Variants in SWAP70 observed in about 807,000 individuals in gnomAD.
The protein encoded by SWAP70 is switching B cell complex subunit SWAP70, also known as switch-associated protein 70.
Under a neutral mutation model 80.2 loss-of-function variants are expected in SWAP70, and 34 were observed. That is an observed-to-expected ratio of 0.42 (90% CI 0.32 to 0.56). SWAP70 has a LOEUF of 0.56. Among genes scored for constraint, SWAP70 ranks in the 20% least tolerant of loss-of-function variants. The pLI, the probability that SWAP70 is intolerant of heterozygous loss-of-function variation, is 0.09. For synonymous variants in SWAP70, 239 were observed against 238.5 expected, an observed-to-expected ratio of 1.00 and a Z score of -0.02; for missense variants, 578 against 690.7, an observed-to-expected ratio of 0.84 and a Z score of 1.83.
chr11:9,749,892 C>G lies in SWAP70; in HGVS notation c.1680C>G (p.Asn560Lys). The G allele has an allele frequency of 6.2e-7, 1 of 1,613,886 alleles. No individual in the cohort carries two copies. The highest frequency in any genetic ancestry group is 8.5e-7 in the Non-Finnish European group (1 of 1,179,782). Residue 560 changes from asparagine to lysine, a missense_variant, in exon 12 of 12, where the codon AAC (asparagine) becomes AAG (lysine). Physicochemically the swap from Asn to Lys is moderately conservative, Grantham distance 94. Transcript: ENST00000318950. ...CAAAGAACCCTCACCTGATCACTAA[C>G]TGGGGACCTGCAGCTTTCACTGAGG... ...PGSKNPHLIT[N>K]WGPAAFTEAE... is the part of the protein sequence containing the mutation.
chr11:9,734,604 G>A (rs910759760), intron 7 of SWAP70, among the ~76,000 whole-genome samples: 4 of 151,926 alleles, frequency 2.6e-5, no homozygotes, highest in African/African-American at 9.7e-5. Context: ...TTTCATGGAG[G>A]CATTCTTAGA....
intron 3 of SWAP70, among the ~76,000 whole-genome samples, chr11:9,716,580 G>A (rs1057320902): frequency 2.0e-5 from 3 of 152,172 alleles, no homozygotes; most frequent in African/African-American, 7.2e-5. Context: ...TGAAAAAGTT[G>A]ATGTATGTGA....
At chr11:9,679,570 C>G (rs943390846) in intron 1 of SWAP70, among the ~76,000 whole-genome samples, 1 of 152,224 alleles carries the variant, frequency 6.6e-6, no homozygotes, top group African/African-American at 2.4e-5. Flanking sequence ...AATAGGACAG[C>G]AGACAATTAG....
At chr11:9,694,696 C>A (rs1023131239) in intron 2 of SWAP70, among the ~76,000 whole-genome samples, 3 of 152,102 alleles carry the variant, frequency 2.0e-5, no homozygotes, top group Non-Finnish European at 2.9e-5. Flanking sequence ...ACACGGCCAA[C>A]AAACATGAAA....
chr11:9,737,172 G>C (rs1270846725), intron 7 of SWAP70, among the ~76,000 whole-genome samples: 3 of 152,230 alleles, frequency 2.0e-5, no homozygotes, highest in Non-Finnish European at 2.9e-5. Context: ...CATGCAGCTG[G>C]GGACAAAGAG....
chr11:9,735,095 A>T (rs1205144581), intron 7 of SWAP70, among the ~76,000 whole-genome samples: 3 of 152,224 alleles, frequency 2.0e-5, no homozygotes, highest in Non-Finnish European at 4.4e-5. Flanking sequence ...TTCTTTTAAA[A>T]AATATAATCA....
At chr11:9,666,245 C>G (rs1177134401) in intron 1 of SWAP70, among the ~76,000 whole-genome samples, 2 of 151,782 alleles carry the variant, frequency 1.3e-5, no homozygotes, top group Non-Finnish European at 2.9e-5. Flanking sequence ...GTCACCACAC[C>G]TAGCTAATTT....
At chr11:9,679,263 G>T (rs922296925) in intron 1 of SWAP70, among the ~76,000 whole-genome samples, 7 of 152,202 alleles carry the variant, frequency 4.6e-5, no homozygotes, top group Non-Finnish European at 1.0e-4. Context: ...GGTGTTATGT[G>T]GGCATGGTGT....
At chr11:9,717,601 CAG>C (rs967391031) in intron 3 of SWAP70, among the ~76,000 whole-genome samples, 1 of 145,966 alleles carries the variant, frequency 6.9e-6, no homozygotes, top group Non-Finnish European at 1.5e-5. Context: ...TTGCAGTGAG[CAG>C]AGAGTGGCAT....
At chr11:9,724,949 T>G (rs888595345) in intron 4 of SWAP70, 64 bp downstream of exon 4, 24 of 1,215,272 alleles carry the variant, frequency 2.0e-5, no homozygotes, top group Non-Finnish European at 2.5e-5. Context: ...AATTAATATT[T>G]TTGTCACAAA....
chr11:9,743,549 T>TC, intron 9 of SWAP70, among the ~76,000 whole-genome samples: 1 of 151,568 alleles, frequency 6.6e-6, no homozygotes, highest in Non-Finnish European at 1.5e-5. Context: ...CTCCACATCC[T>TC]CTCTAGCACC....
At position 9,724,767 on chromosome 11, in the gene SWAP70, C is replaced by T; in HGVS notation, c.524C>T (p.Ala175Val). Residue 175 changes from alanine (A) to valine (V), a missense_variant, in exon 4 of 12, where the codon GCA becomes GTA. Physicochemically the swap from Ala to Val is moderately conservative, Grantham distance 64 (BLOSUM62 0). Transcript: ENST00000318950. ...NFDDSKNGLS[A>V]WELIELIGNG... The stretch of plus-strand genomic sequence containing the variant: ...GATGACAGTAAAAATGGCCTTTCTG[C>T]ATGGGAACTTATTGAGCTTATTGGA... 1 of 1,613,986 alleles carries T rather than the reference C, an allele frequency of 6.2e-7. No homozygotes were observed. The highest frequency in any genetic ancestry group is 2.2e-5 in the East Asian group (1 of 44,868).
intron 1 of SWAP70, among the ~76,000 whole-genome samples, chr11:9,685,477 G>C (rs891824432): frequency 6.6e-5 from 10 of 152,148 alleles, no homozygotes; most frequent in Admixed American, 3.9e-4. Flanking sequence ...ATGGCTTGCT[G>C]TCTGCTCCCA....
chr11:9,740,463 T>A, intron 9 of SWAP70, 116 bp downstream of exon 9: 1 of 1,091,930 alleles, frequency 9.2e-7, no homozygotes, highest in Non-Finnish European at 1.4e-6. Flanking sequence ...TGGCTGTGAC[T>A]GAGCTCGAGG....
intron 2 of SWAP70, among the ~76,000 whole-genome samples, chr11:9,701,033 C>G (rs187433744): frequency 2.6e-5 from 4 of 152,084 alleles, no homozygotes; most frequent in Admixed American, 2.6e-4. Flanking sequence ...TTGAAACTTT[C>G]CAAAAAGTAA....
chr11:9,673,491 C>T (rs547198845), intron 1 of SWAP70, among the ~76,000 whole-genome samples: 3 of 152,228 alleles, frequency 2.0e-5, no homozygotes, highest in South Asian at 2.1e-4. Flanking sequence ...TGTCCTCTTC[C>T]GTCTCTTATG....
chr11:9,726,835 C>T (rs1197993770), intron 4 of SWAP70: 1 of 455,826 alleles, frequency 2.2e-6, no homozygotes, highest in East Asian at 6.9e-5. Flanking sequence ...AAATACAGAA[C>T]TAGTGAGTGT....
intron 11 of SWAP70, among the ~76,000 whole-genome samples, chr11:9,749,540 C>T (rs1023966882): frequency 6.6e-6 from 1 of 152,204 alleles, no homozygotes; most frequent in Non-Finnish European, 1.5e-5. Context: ...GCCACCACGC[C>T]CTGCCCATAT....
chr11:9,725,552 TATATATA>T (rs1564829449), intron 4 of SWAP70, among the ~76,000 whole-genome samples: 3 of 10,226 alleles, frequency 2.9e-4, no homozygotes, highest in African/African-American at 8.9e-4. Flanking sequence ...TATATATATA[TATATATA>T]TATATATATA....
Sources: gnomAD v4.1 joint callset for allele counts (sites outside exome capture counted in the v4.1 genomes callset) on GRCh38, gnomAD v4.1.1 for gene constraint, MANE v1.5 for transcripts, NCBI Gene and HGNC (gene_info 2026-07-23, HGNC 2026-07-21) for gene names.